The following NEK11 variants were observed in gnomAD, a reference collection of about 807,000 sequenced individuals.
The protein encoded by NEK11 is NIMA related kinase 11.
NEK11 carries 72 observed loss-of-function variants against 80.7 expected under a neutral mutation model. That is an observed-to-expected ratio of 0.89 (90% CI 0.74 to 1.08). The LOEUF is 1.08. Ranked by LOEUF, NEK11 falls within the 50% of genes least tolerant of loss-of-function variation. NEK11 has a pLI of 0.00. For missense variants in NEK11, 764 were observed against 763.6 expected (o/e 1.00, Z -0.01); for synonymous variants, 251 against 260.7 (o/e 0.96, Z 0.36).
intron 16 of NEK11, among the ~76,000 whole-genome samples, chr3:131,265,759 C>A (rs2096041400): frequency 6.6e-6 from 1 of 152,160 alleles, no homozygotes; most frequent in Non-Finnish European, 1.5e-5. Flanking sequence ...CCCTCTTTTT[C>A]TATCGTTTGG....
At chr3:131,054,920 T>G (rs966255378) in intron 3 of NEK11, among the ~76,000 whole-genome samples, 2 of 152,216 alleles carry the variant, frequency 1.3e-5, no homozygotes, top group Admixed American at 6.5e-5. Context: ...AAGGTACAGT[T>G]GGGCAGTTTT....
intron 5 of NEK11, among the ~76,000 whole-genome samples, chr3:131,124,053 G>T (rs994151697): frequency 6.6e-6 from 1 of 152,038 alleles, no homozygotes. Context: ...TCCTCTTGTG[G>T]TTGCCAGAAT....
chr3:131,130,986 G>C (rs1355664711), intron 5 of NEK11, among the ~76,000 whole-genome samples: 2 of 152,146 alleles, frequency 1.3e-5, no homozygotes, highest in Non-Finnish European at 1.5e-5. Context: ...ATTTTTAGTA[G>C]AGATGGAGTT....
chr3:131,225,476 T>A (rs1209423322), intron 14 of NEK11, among the ~76,000 whole-genome samples: 1 of 152,242 alleles, frequency 6.6e-6, no homozygotes, highest in Non-Finnish European at 1.5e-5. Context: ...CAGGAAAAAC[T>A]ACTGAGTGTT....
chr3:131,288,802 T>C (rs890055443), intron 17 of NEK11, among the ~76,000 whole-genome samples: 1 of 152,250 alleles, frequency 6.6e-6, no homozygotes, highest in African/African-American at 2.4e-5. Context: ...ATGACTTTCC[T>C]GACTTTATTT....
intron 16 of NEK11, among the ~76,000 whole-genome samples, chr3:131,268,600 G>T (rs1235269809): frequency 6.6e-6 from 1 of 152,218 alleles, no homozygotes; most frequent in African/African-American, 2.4e-5. Flanking sequence ...ACCAGTGGAG[G>T]CTGCAGAACA....
chr3:131,304,475 C>T (rs1023668474), intron 17 of NEK11, among the ~76,000 whole-genome samples: 1 of 152,178 alleles, frequency 6.6e-6, no homozygotes. Flanking sequence ...GACACTCTGA[C>T]TTTTTGAGTT....
chr3:131,190,308 C>A (rs1240265208), intron 14 of NEK11, among the ~76,000 whole-genome samples: 1 of 152,140 alleles, frequency 6.6e-6, no homozygotes, highest in African/African-American at 2.4e-5. Flanking sequence ...CTCCATTCAA[C>A]TGGGGGCGAT....
At chr3:131,200,589 A>G (rs1447498995) in intron 14 of NEK11, among the ~76,000 whole-genome samples, 1 of 152,184 alleles carries the variant, frequency 6.6e-6, no homozygotes. Flanking sequence ...TAAAGCTTGA[A>G]ACTTGTCTTT....
At chr3:131,209,043 A>T (rs2094529654) in intron 14 of NEK11, among the ~76,000 whole-genome samples, 1 of 152,180 alleles carries the variant, frequency 6.6e-6, no homozygotes, top group East Asian at 1.9e-4. Context: ...GTCTTGTGCC[A>T]GTTTTCAAAG....
At chr3:131,110,049 C>G (rs1415988482) in intron 5 of NEK11, 128 bp downstream of exon 5, 23 of 887,830 alleles carry the variant, frequency 2.6e-5, no homozygotes, top group Non-Finnish European at 3.5e-5. Flanking sequence ...AATTAAACAT[C>G]TATAATATGT....
chr3:131,342,068 AGAGT>A (rs1451635792), intron 17 of NEK11, among the ~76,000 whole-genome samples: 21 of 152,328 alleles, frequency 1.4e-4, no homozygotes, highest in African/African-American at 4.3e-4. Context: ...GATCCTGCCC[AGAGT>A]GAACTGAGAA....
rs565495750 is a variant in NEK11 at position 131,057,632 on chromosome 3, T to C, written c.171-22791T>C. On this transcript the variant is annotated intron_variant, in intron 3 of 17. Coordinates refer to ENST00000383366, the MANE Select transcript of NEK11 (RefSeq NM_024800.5). ...GTGGTTTTGATTTGCATTTCTCTGATGGCCAGTGATGGTGAGCATTTTTTC... is the reference window on the plus strand; with the variant it reads ...GTGGTTTTGATTTGCATTTCTCTGACGGCCAGTGATGGTGAGCATTTTTTC... Among the ~76,000 whole-genome samples, 727 of 152,290 alleles carry C rather than the reference T, an allele frequency of 4.8e-3. 11 individuals carry two copies. The highest frequency in any genetic ancestry group is 0.017 in the African/African-American group (692 of 41,516).
At chr3:131,236,910 G>T (rs1030664710) in intron 15 of NEK11, among the ~76,000 whole-genome samples, 1 of 152,212 alleles carries the variant, frequency 6.6e-6, no homozygotes, top group Non-Finnish European at 1.5e-5. Context: ...GATGTGAAAG[G>T]TACATCTGAG....
chr3:131,075,194 C>T (rs1328955438), intron 3 of NEK11, among the ~76,000 whole-genome samples: 1 of 152,076 alleles, frequency 6.6e-6, no homozygotes, highest in African/African-American at 2.4e-5. Flanking sequence ...GAGTTCTAAC[C>T]CCCGAATGAG....
intron 4 of NEK11, among the ~76,000 whole-genome samples, chr3:131,097,443 G>A (rs1006688139): frequency 5.9e-5 from 9 of 151,886 alleles, no homozygotes; most frequent in African/African-American, 1.9e-4. Flanking sequence ...GGTGTGAGAT[G>A]GTATCTCATT....
intron 14 of NEK11, among the ~76,000 whole-genome samples, chr3:131,215,103 T>G (rs1180066367): frequency 6.6e-6 from 1 of 152,114 alleles, no homozygotes; most frequent in African/African-American, 2.4e-5. Context: ...TGAGGTTCAG[T>G]TCCACTTGCA....
intron 3 of NEK11, among the ~76,000 whole-genome samples, chr3:131,079,664 A>C (rs868115350): frequency 1.4e-4 from 21 of 152,210 alleles, no homozygotes; most frequent in Middle Eastern, 3.2e-3. Context: ...CACAATTTTT[A>C]AATTAATGAC....
At chr3:131,078,377 C>T (rs1192290349) in intron 3 of NEK11, among the ~76,000 whole-genome samples, 1 of 152,170 alleles carries the variant, frequency 6.6e-6, no homozygotes, top group Non-Finnish European at 1.5e-5. Flanking sequence ...AGGATAAGGG[C>T]ACTTTCTACA....
Sources: allele counts gnomAD v4.1 joint callset (sites outside exome capture counted in the v4.1 genomes callset), GRCh38; gene constraint gnomAD v4.1.1; transcripts MANE v1.5; gene names NCBI Gene and HGNC (gene_info 2026-07-23, HGNC 2026-07-21).